Variants in PANK3 observed in about 807,000 individuals in gnomAD.
PANK3 encodes hPanK3.
In PANK3, 20 loss-of-function variants were observed where a neutral mutation model predicts 39.4. The observed-to-expected ratio is 0.51, with a 90% CI of 0.36 to 0.74. The LOEUF (loss-of-function observed/expected upper bound fraction) is 0.74. Ranked by LOEUF, PANK3 falls within the 30% of genes least tolerant of loss-of-function variation. The pLI, the probability that PANK3 is intolerant of heterozygous loss-of-function variation, is 0.00. For synonymous variants in PANK3, 140 were observed against 157.3 expected (o/e 0.89, Z 0.82); for missense variants, 265 against 437.0 (o/e 0.61, Z 3.51).
At chr5:168,573,005 G>T (rs978555450) in intron 1 of PANK3, among the ~76,000 whole-genome samples, 27 of 152,206 alleles carry the variant, frequency 1.8e-4, no homozygotes, top group African/African-American at 6.5e-4. Context: ...CCTGGATACG[G>T]TTTTGGATGA....
chr5:168,561,358 T>C, intron 5 of PANK3, 35 bp downstream of exon 5: 2 of 1,545,188 alleles, frequency 1.3e-6, no homozygotes, highest in Non-Finnish European at 1.7e-6. Context: ...TTCACATTTT[T>C]GATAATTCAA....
rs1554125888 is a variant in PANK3, at chr5:168,569,030, A to AAAAT, written c.29-33_29-32insATTT. The AAAAT allele has an allele frequency of 9.6e-4, 116 of 120,260 alleles. 1 individual carries two copies. Among genetic ancestry groups the AAAAT allele is most frequent in the East Asian group, 5.1e-3 (9 of 1,776 alleles). 7.4% of individuals were successfully genotyped at this position (120,260 alleles called of 1,614,324 possible). A position where few individuals can be genotyped will look rare whatever the true frequency, so the allele number is the denominator to read the frequency against. ...GAGGAAAAAAAAAAAAAAAAAAAAAAATATATATATATATATATATCCATT... is the reference window on the plus strand; with the variant it reads ...GAGGAAAAAAAAAAAAAAAAAAAAAAAAATATATATATATATATATATATCCATT... On this transcript the variant is annotated intron_variant, in intron 1 of 6. Transcript: ENST00000239231.
chr5:168,568,536 C>T (rs1289359101), intron 2 of PANK3, 110 bp downstream of exon 2: 11 of 833,452 alleles, frequency 1.3e-5, no homozygotes, highest in Non-Finnish European at 2.0e-5. Context: ...ACCATGGATA[C>T]ATATTTCCCA....
intron 3 of PANK3, among the ~76,000 whole-genome samples, chr5:168,565,384 A>C (rs936902614): frequency 2.6e-5 from 4 of 152,218 alleles, no homozygotes. Context: ...GTTATCACAA[A>C]AAGAAATCAC....
At chr5:168,565,965 G>T in intron 3 of PANK3, 48 bp downstream of exon 3, 2 of 1,536,732 alleles carry the variant, frequency 1.3e-6, no homozygotes, top group Non-Finnish European at 1.8e-6. Flanking sequence ...CATAACTTCT[G>T]TGTATAAAAC....
intron 1 of PANK3, among the ~76,000 whole-genome samples, chr5:168,575,941 G>C (rs1388152627): frequency 2.0e-5 from 3 of 152,002 alleles, no homozygotes; most frequent in African/African-American, 7.3e-5. Flanking sequence ...CATGTATGCT[G>C]GTATATTCTA....
At chr5:168,565,868 A>AAAAAAT in intron 3 of PANK3, 145 bp downstream of exon 3, 40 of 131,920 alleles carry the variant, frequency 3.0e-4, no homozygotes, top group African/African-American at 6.4e-4. Context: ...AAAAAAAAAA[A>AAAAAAT]ATATATATAT....
intron 2 of PANK3, 24 bp from the exon 3 acceptor site, chr5:168,566,290 CA>C: frequency 6.5e-7 from 1 of 1,547,466 alleles, no homozygotes; most frequent in Non-Finnish European, 8.7e-7. Flanking sequence ...CAAACAAAAA[CA>C]AAAAAGGATG....
Position 168,568,959 on chromosome 5 carries a change from A to G in PANK3, c.68T>C (p.Val23Ala). The G allele has an allele frequency of 3.1e-6, 5 of 1,599,302 alleles. No individual in the cohort carries two copies. Among genetic ancestry groups the G allele is most frequent in the Non-Finnish European group, 4.3e-6 (5 of 1,173,284 alleles). The change falls in exon 2 of 7, where the codon GTA (valine) becomes GCA (alanine). Residue 23 changes from valine (V) to alanine (A), a missense_variant. Physicochemically the swap from Val to Ala is moderately conservative, Grantham distance 64. Around this residue, in one of 3 missense-constraint regions of PANK3, gnomAD observed 154 missense variants for 256.8 expected, o/e 0.60. Transcript: ENST00000239231. The part of the protein sequence containing the change: ...WFGMDIGGTL[V>A]KLSYFEPIDI... ...AATAGGTTCAAAGTACGAGAGCTTTACTAGAGTTCCCCCAATGTCCATGCC... is the reference window on the plus strand; with the variant it reads ...AATAGGTTCAAAGTACGAGAGCTTTGCTAGAGTTCCCCCAATGTCCATGCC...
At chr5:168,578,727 G>C (rs1582470824) in intron 1 of PANK3, 4 of 152,418 alleles carry the variant, frequency 2.6e-5, no homozygotes, top group Admixed American at 2.0e-4. Flanking sequence ...ACATGAACTA[G>C]TTGATATTCT....
chr5:168,563,158 T>C (rs1420400306), intron 4 of PANK3, among the ~76,000 whole-genome samples: 1 of 152,178 alleles, frequency 6.6e-6, no homozygotes, highest in East Asian at 1.9e-4. Context: ...TATTCCTTTA[T>C]ATATTTGGAA....
At chr5:168,573,741 C>T (rs1419442116) in intron 1 of PANK3, among the ~76,000 whole-genome samples, 1 of 138,696 alleles carries the variant, frequency 7.2e-6, no homozygotes, top group Non-Finnish European at 1.5e-5. Context: ...TTGTTCAATT[C>T]CCACCTATGA....
chr5:168,572,267 C>A (rs1759650916), intron 1 of PANK3, among the ~76,000 whole-genome samples: 2 of 151,946 alleles, frequency 1.3e-5, no homozygotes, highest in South Asian at 4.2e-4. Flanking sequence ...GTGTGCACTA[C>A]CACGACCAAC....
At chr5:168,569,277 CG>C (rs1404356774) in intron 1 of PANK3, among the ~76,000 whole-genome samples, 2 of 149,192 alleles carry the variant, frequency 1.3e-5, no homozygotes, top group Non-Finnish European at 3.0e-5. Context: ...CTCCGCCTCC[CG>C]GGTTCACGCC....
Position 168,548,525 on chromosome 5 carries a change from A to C in PANK3, c.*9046T>G, listed in dbSNP as rs1759227665. On this transcript the variant is annotated 3_prime_UTR_variant, in exon 7 of 7. Transcript: ENST00000239231. ...AACAACTTAGATAATTTATTTAGAA[A>C]GTAGAAAATAAAAAGTATGATTCTA... The C allele has an allele frequency of 6.6e-6, 1 of 152,228 alleles. No homozygotes were observed. The highest frequency in any genetic ancestry group is 1.5e-5 in the Non-Finnish European group (1 of 68,038). 9.4% of individuals were successfully genotyped at this position (152,228 alleles called of 1,614,324 possible). A position where few individuals can be genotyped will look rare whatever the true frequency, so the allele number is the denominator to read the frequency against.
intron 2 of PANK3, 105 bp downstream of exon 2, chr5:168,568,541 T>G: frequency 1.1e-6 from 1 of 872,950 alleles, no homozygotes; most frequent in South Asian, 1.7e-5. Context: ...GGATACATAT[T>G]TCCCACTGCA....
At position 168,553,845 on chromosome 5, in the gene PANK3, CT is replaced by C. The variant is rs1381340924; in HGVS notation, c.*3725del. 1 of 152,374 alleles carries C rather than the reference CT, an allele frequency of 6.6e-6. No homozygotes were observed. Among genetic ancestry groups the C allele is most frequent in the Non-Finnish European group, 1.5e-5 (1 of 68,186 alleles). 9.4% of individuals were successfully genotyped at this position (152,374 alleles called of 1,614,324 possible). ...TCATTACAGCATCTCTGCATTCTTG[CT>C]TTACCACATTTATCTCAGGCCCAAA... On this transcript the variant is annotated 3_prime_UTR_variant, in exon 7 of 7. Coordinates refer to ENST00000239231, the MANE Select transcript of PANK3 (RefSeq NM_024594.4).
At position 168,548,824 on chromosome 5, in the gene PANK3, AGTTT is replaced by A. The variant is rs1162535794; in HGVS notation, c.*8743_*8746del. On this transcript the variant is annotated 3_prime_UTR_variant, in exon 7 of 7. Coordinates refer to ENST00000239231, the MANE Select transcript of PANK3 (RefSeq NM_024594.4). ...TACAGATTACAATAGGCTATAACTT[AGTTT>A]ATTATGAATAAAATTTATGGCACAT... The A allele has an allele frequency of 6.6e-6, 1 of 152,246 alleles. No individual in the cohort carries two copies. 9.4% of individuals were successfully genotyped at this position (152,246 alleles called of 1,614,324 possible).
chr5:168,570,027 G>A (rs1759601358), intron 1 of PANK3, among the ~76,000 whole-genome samples: 1 of 152,012 alleles, frequency 6.6e-6, no homozygotes, highest in African/African-American at 2.4e-5. Flanking sequence ...TGCAGATTAG[G>A]TAACAGAGTG....
Sources: allele counts gnomAD v4.1 joint callset (sites outside exome capture counted in the v4.1 genomes callset), GRCh38; gene constraint gnomAD v4.1.1; regional missense constraint gnomAD v4.1.1; transcripts MANE v1.5; gene names NCBI Gene and HGNC (gene_info 2026-07-23, HGNC 2026-07-21).